DST: variants seen among roughly 807,000 people sequenced by gnomAD.
DST encodes bullous pemphigoid antigen.
DST carries 253 observed loss-of-function variants against 875.2 expected under a neutral mutation model. The ratio of observed to expected loss-of-function variants is 0.29; its 90% CI spans 0.26 to 0.32. The LOEUF (loss-of-function observed/expected upper bound fraction) is 0.32, where lower values mean the gene tolerates loss of function less well. Among genes scored for constraint, DST ranks in the 10% least tolerant of loss-of-function variants. The pLI is 1.00. For synonymous variants in DST, 3,124 were observed against 3,197.1 expected (o/e 0.98, Z 0.77); for missense variants, 8,287 against 9,111.6 (o/e 0.91, Z 3.68).
intron 4 of DST, among the ~76,000 whole-genome samples, chr6:56,763,682 T>TC (rs2099623888): frequency 2.3e-5 from 1 of 42,716 alleles, no homozygotes; most frequent in African/African-American, 1.2e-4. Context: ...AAAAAATACC[T>TC]ATACACACAC....
In DST at chr6:56,720,033, G is replaced by A. The variant is rs552145429; in HGVS notation, c.687+15195C>T. Among the ~76,000 whole-genome samples the A allele has an allele frequency of 1.3e-4, 20 of 152,202 alleles. 1 individual carries two copies. Among genetic ancestry groups the A allele is most frequent in the East Asian group, 1.9e-4 (1 of 5,180 alleles). ...CAGGAGACAGGGTTTGAGAGCAACC[G>A]GTCTGACCAAAATTTATTAGGCGGG... On this transcript the variant is annotated intron_variant, in intron 5 of 103. Transcript: ENST00000680361.
At chr6:56,477,265 C>A in intron 91 of DST, 80 bp downstream of exon 91, 1 of 1,456,756 alleles carries the variant, frequency 6.9e-7, no homozygotes, top group Admixed American at 2.2e-5. Flanking sequence ...GCCATAAGTG[C>A]ATCTTAATTC....
intron 4 of DST, among the ~76,000 whole-genome samples, chr6:56,792,953 C>T (rs1294189937): frequency 6.6e-6 from 1 of 151,374 alleles, no homozygotes. Flanking sequence ...CCTGTAGTCC[C>T]AGCTACTCAG....
chr6:56,750,329 T>C (rs2099583634), intron 4 of DST, among the ~76,000 whole-genome samples: 1 of 152,094 alleles, frequency 6.6e-6, no homozygotes, highest in African/African-American at 2.4e-5. Flanking sequence ...CCAATTTTAG[T>C]ATATGTGCTG....
chr6:56,755,602 C>G (rs566173305), intron 4 of DST, among the ~76,000 whole-genome samples: 1 of 151,812 alleles, frequency 6.6e-6, no homozygotes, highest in Non-Finnish European at 1.5e-5. Context: ...TTACCAAATC[C>G]CCTATTCTTG....
chr6:56,925,147 A>G (rs959889832), intron 2 of DST, among the ~76,000 whole-genome samples: 1 of 152,224 alleles, frequency 6.6e-6, no homozygotes, highest in African/African-American at 2.4e-5. Context: ...CTTTAATTTA[A>G]TAAGATAGGA....
intron 61 of DST, among the ~76,000 whole-genome samples, chr6:56,547,297 G>A (rs1213392709): frequency 1.3e-5 from 2 of 152,098 alleles, no homozygotes; most frequent in Non-Finnish European, 2.9e-5. Context: ...GCTTCAGTAG[G>A]GCTTCTCTCT....
intron 24 of DST, among the ~76,000 whole-genome samples, chr6:56,635,352 C>A (rs1007844523): frequency 6.6e-6 from 1 of 151,844 alleles, no homozygotes; most frequent in Non-Finnish European, 1.5e-5. Flanking sequence ...TAAACACACA[C>A]GTGCACACAC....
At chr6:56,872,933 T>C (rs1778040651) in intron 3 of DST, among the ~76,000 whole-genome samples, 1 of 151,744 alleles carries the variant, frequency 6.6e-6, no homozygotes, top group Non-Finnish European at 1.5e-5. Context: ...CCATATTTTG[T>C]TTTCCACAAT....
intron 2 of DST, among the ~76,000 whole-genome samples, chr6:56,925,612 C>T (rs1806636925): frequency 6.6e-6 from 1 of 152,006 alleles, no homozygotes; most frequent in South Asian, 2.1e-4. Flanking sequence ...AAATTCCTCT[C>T]TTTGTCTTCC....
At chr6:56,824,246 A>G (rs555834589) in intron 4 of DST, among the ~76,000 whole-genome samples, 3 of 152,242 alleles carry the variant, frequency 2.0e-5, no homozygotes, top group African/African-American at 7.2e-5. Flanking sequence ...CCTAACCGCG[A>G]GTGATCCGCC....
At chr6:56,653,412 G>A (rs764511912) in intron 10 of DST, among the ~76,000 whole-genome samples, 4 of 152,178 alleles carry the variant, frequency 2.6e-5, no homozygotes, top group Non-Finnish European at 4.4e-5. Flanking sequence ...AAAGCTGGGT[G>A]CGGTGGCTCA....
At position 56,553,383 on chromosome 6, in the gene DST, G is replaced by A; in HGVS notation, c.15409C>T (p.Gln5137Ter). The part of the protein sequence containing the change: ...KTQGSEKAAL[Q>*]LQLNTIKTNW... ...GTTTTAATTGTATTAAGCTGTAACTGTAAGGCTGCCTTCTCAGACCCTTGT... is the reference window on the plus strand; with the variant it reads ...GTTTTAATTGTATTAAGCTGTAACTATAAGGCTGCCTTCTCAGACCCTTGT... Residue 5137 changes from glutamine to a stop codon, truncating the protein, a stop_gained, in exon 61 of 104, where the codon CAG (glutamine) becomes TAG (stop). Coordinates refer to ENST00000680361, the MANE Select transcript of DST (RefSeq NM_001374736.1). LOFTEE classifies it high-confidence loss of function. 2 of 1,603,560 alleles carry A rather than the reference G, an allele frequency of 1.2e-6. No homozygotes were observed. Among genetic ancestry groups the A allele is most frequent in the Non-Finnish European group, 1.7e-6 (2 of 1,176,390 alleles).
At chr6:56,526,297 G>A in intron 69 of DST, 64 bp downstream of exon 69, 3 of 1,505,808 alleles carry the variant, frequency 2.0e-6, no homozygotes, top group Non-Finnish European at 2.7e-6. Flanking sequence ...TCTTTGTTCA[G>A]GTAAAAGCTC....
At chr6:56,750,276 A>T (rs777174654) in intron 4 of DST, among the ~76,000 whole-genome samples, 6 of 151,968 alleles carry the variant, frequency 3.9e-5, no homozygotes, top group Non-Finnish European at 8.8e-5. Context: ...AGAGAATATC[A>T]CCTTGGGTTG....
intron 3 of DST, among the ~76,000 whole-genome samples, chr6:56,879,651 C>A (rs1377941259): frequency 6.6e-6 from 1 of 152,190 alleles, no homozygotes; most frequent in Non-Finnish European, 1.5e-5. Context: ...ATATCATTCA[C>A]TCCTTAATTA....
intron 4 of DST, among the ~76,000 whole-genome samples, chr6:56,830,447 C>G (rs558204515): frequency 3.1e-4 from 47 of 152,220 alleles, no homozygotes; most frequent in African/African-American, 1.1e-3. Context: ...CTTTTGTCCA[C>G]TTCTTTATTT....
chr6:56,856,296 G>A (rs1767826781), intron 3 of DST, among the ~76,000 whole-genome samples: 1 of 152,170 alleles, frequency 6.6e-6, no homozygotes, highest in South Asian at 2.1e-4. Context: ...GTAGGAAAGT[G>A]CCAAGAAATT....
chr6:56,848,832 C>G (rs1253730514), intron 4 of DST, among the ~76,000 whole-genome samples: 1 of 151,802 alleles, frequency 6.6e-6, no homozygotes, highest in Non-Finnish European at 1.5e-5. Flanking sequence ...GTACGGAGTT[C>G]GAGACCAGCC....
Sources: gnomAD v4.1 joint callset for allele counts (sites outside exome capture counted in the v4.1 genomes callset) on GRCh38, gnomAD v4.1.1 for gene constraint, MANE v1.5 for transcripts, NCBI Gene and HGNC (gene_info 2026-07-23, HGNC 2026-07-21) for gene names.